PTPRD: variants seen among roughly 807,000 people sequenced by gnomAD.
PTPRD encodes receptor-type tyrosine-protein phosphatase delta.
Under a neutral mutation model 214.5 loss-of-function variants are expected in PTPRD, and 34 were observed. The ratio of observed to expected loss-of-function variants is 0.16; its 90% CI spans 0.12 to 0.21. The LOEUF is 0.21. Ranked by LOEUF, PTPRD falls within the 10% of genes least tolerant of loss-of-function variation. The probability of loss-of-function intolerance (pLI) is 1.00; values close to 1 mark genes in which losing one functional copy is unlikely to be tolerated. For missense variants in PTPRD, 2,545 were observed against 2,398.7 expected (o/e 1.06, Z -1.27); for synonymous variants, 1,128 against 845.7 (o/e 1.33, Z -5.79).
intron 9 of PTPRD, among the ~76,000 whole-genome samples, chr9:9,218,633 G>C (rs117063648): frequency 0.015 from 2,241 of 152,200 alleles, 21 homozygotes; most frequent in Non-Finnish European, 0.024. Flanking sequence ...AGACTGGTGA[G>C]CACTGTAACT....
chr9:10,334,833 T>C (rs1031238487), intron 3 of PTPRD, among the ~76,000 whole-genome samples: 1 of 151,584 alleles, frequency 6.6e-6, no homozygotes, highest in Non-Finnish European at 1.5e-5. Context: ...AAAAATACAA[T>C]ATTATTTACA....
intron 8 of PTPRD, among the ~76,000 whole-genome samples, chr9:9,569,359 TAAA>T: frequency 6.6e-6 from 1 of 151,856 alleles, no homozygotes; most frequent in East Asian, 1.9e-4. Flanking sequence ...GTTTCAAGTT[TAAA>T]AAGTCAGTCA....
chr9:10,492,136 C>G (rs2040494016), intron 2 of PTPRD, among the ~76,000 whole-genome samples: 1 of 152,054 alleles, frequency 6.6e-6, no homozygotes, highest in South Asian at 2.1e-4. Flanking sequence ...GGGTTGATTC[C>G]AAGTTTTGCT....
chr9:9,192,158 C>A (rs918913722), intron 9 of PTPRD, among the ~76,000 whole-genome samples: 2 of 151,758 alleles, frequency 1.3e-5, no homozygotes, highest in African/African-American at 4.8e-5. Context: ...TGTTCAATAT[C>A]AGGAATCTAG....
At chr9:10,588,582 A>T (rs777362568) in intron 2 of PTPRD, among the ~76,000 whole-genome samples, 20 of 152,070 alleles carry the variant, frequency 1.3e-4, no homozygotes, top group Non-Finnish European at 1.2e-4. Flanking sequence ...TATATTTGAA[A>T]GACATATATT....
chr9:9,275,102 A>T (rs1194963620), intron 9 of PTPRD, among the ~76,000 whole-genome samples: 2 of 60,706 alleles, frequency 3.3e-5, no homozygotes, highest in Non-Finnish European at 6.2e-5. Flanking sequence ...TTATATATAT[A>T]ATATATTATA....
chr9:8,328,584 G>A (rs977085680), intron 44 of PTPRD, among the ~76,000 whole-genome samples: 2 of 133,570 alleles, frequency 1.5e-5, no homozygotes, highest in African/African-American at 6.5e-5. Flanking sequence ...CTAGGTTGGG[G>A]AAGTTCTTCT....
intron 45 of PTPRD, 37 bp downstream of exon 45, chr9:8,319,794 G>C (rs2130690216): frequency 6.2e-7 from 1 of 1,610,304 alleles, no homozygotes; most frequent in African/African-American, 1.3e-5. Context: ...CAAAACGTAG[G>C]CTCTTGAGAT....
chr9:9,430,706 T>A (rs2082751112), intron 8 of PTPRD, among the ~76,000 whole-genome samples: 1 of 151,884 alleles, frequency 6.6e-6, no homozygotes, highest in Non-Finnish European at 1.5e-5. Context: ...AAAAGAGAGA[T>A]ACAGACCAAT....
chr9:9,863,475 C>T (rs2063242639), intron 5 of PTPRD, among the ~76,000 whole-genome samples: 1 of 152,166 alleles, frequency 6.6e-6, no homozygotes, highest in Admixed American at 6.5e-5. Context: ...CCTCATCTTT[C>T]TCCCATTGTG....
At chr9:9,918,786 G>A (rs979098250) in intron 5 of PTPRD, among the ~76,000 whole-genome samples, 1 of 152,082 alleles carries the variant, frequency 6.6e-6, no homozygotes, top group Non-Finnish European at 1.5e-5. Flanking sequence ...TGGGTATCGA[G>A]AATATTCACT....
At chr9:8,468,474 T>A (rs1455713330) in intron 31 of PTPRD, among the ~76,000 whole-genome samples, 2 of 151,980 alleles carry the variant, frequency 1.3e-5, no homozygotes, top group Non-Finnish European at 2.9e-5. Context: ...AGTTTGACCT[T>A]GACAATAGGA....
chr9:9,133,279 C>T (rs2099845648), intron 10 of PTPRD, among the ~76,000 whole-genome samples: 1 of 152,094 alleles, frequency 6.6e-6, no homozygotes, highest in African/African-American at 2.4e-5. Context: ...AGACTCCTTC[C>T]TAGGTTATTC....
At chr9:10,156,158 A>G (rs2099091972) in intron 3 of PTPRD, among the ~76,000 whole-genome samples, 1 of 138,310 alleles carries the variant, frequency 7.2e-6, no homozygotes, top group Admixed American at 7.4e-5. Context: ...AATTTTGGTT[A>G]TTTCTTGTCT....
intron 5 of PTPRD, among the ~76,000 whole-genome samples, chr9:9,930,757 T>C (rs1421238842): frequency 2.0e-5 from 3 of 152,078 alleles, no homozygotes; most frequent in Non-Finnish European, 4.4e-5. Flanking sequence ...TTCCACAAAA[T>C]GAAGCAGAAC....
chr9:9,210,460 T>A (rs1306811524), intron 9 of PTPRD, among the ~76,000 whole-genome samples: 1 of 152,208 alleles, frequency 6.6e-6, no homozygotes, highest in East Asian at 1.9e-4. Context: ...ATAATTTATT[T>A]TAATGCCTAC....
chr9:9,325,371 G>A (rs898847744), intron 9 of PTPRD, among the ~76,000 whole-genome samples: 6 of 151,936 alleles, frequency 3.9e-5, no homozygotes, highest in African/African-American at 1.5e-4. Context: ...ATTTCATTGA[G>A]CAGTGGTTTG....
At chr9:9,859,293 G>A (rs563059369) in intron 5 of PTPRD, among the ~76,000 whole-genome samples, 30 of 152,266 alleles carry the variant, frequency 2.0e-4, no homozygotes, top group African/African-American at 6.7e-4. Context: ...CTTTATAGTA[G>A]TGTGAAAACA....
At chr9:9,568,672 G>A (rs2085362269) in intron 8 of PTPRD, among the ~76,000 whole-genome samples, 1 of 151,752 alleles carries the variant, frequency 6.6e-6, no homozygotes, top group Non-Finnish European at 1.5e-5. Context: ...TTTTTTAAAC[G>A]ATAATCAGAT....
Sources: allele counts gnomAD v4.1 joint callset (sites outside exome capture counted in the v4.1 genomes callset), GRCh38; gene constraint gnomAD v4.1.1; transcripts MANE v1.5; gene names NCBI Gene and HGNC (gene_info 2026-07-23, HGNC 2026-07-21).